Variants in SDK1 observed in about 807,000 individuals in gnomAD.
SDK1 encodes protein sidekick-1.
SDK1 carries 157 observed loss-of-function variants against 245.5 expected under a neutral mutation model. That is an observed-to-expected ratio of 0.64 (90% CI 0.56 to 0.73). SDK1 has a LOEUF of 0.73. Ranked by LOEUF, SDK1 falls within the 30% of genes least tolerant of loss-of-function variation. The pLI is 0.00. For missense variants in SDK1, 3,583 were observed against 3,002.3 expected, an observed-to-expected ratio of 1.19 and a Z score of -4.52; for synonymous variants, 1,647 against 1,278.5, an observed-to-expected ratio of 1.29 and a Z score of -6.15.
At chr7:3,316,925 AT>A in intron 1 of SDK1, among the ~76,000 whole-genome samples, 1 of 152,140 alleles carries the variant, frequency 6.6e-6, no homozygotes, top group East Asian at 1.9e-4. Flanking sequence ...CATGCCTATA[AT>A]TTTGGCATTT....
intron 4 of SDK1, among the ~76,000 whole-genome samples, chr7:3,780,078 G>GA (rs1780685747): frequency 6.6e-6 from 1 of 151,896 alleles, no homozygotes; most frequent in African/African-American, 2.4e-5. Context: ...ATATCTTTTT[G>GA]AAAATGTCAA....
intron 28 of SDK1, among the ~76,000 whole-genome samples, chr7:4,139,822 C>T (rs73048335): frequency 0.028 from 4,306 of 152,082 alleles, 93 homozygotes; most frequent in Admixed American, 0.039. Flanking sequence ...GCTTTAGCAC[C>T]GCATCAGAGG....
intron 19 of SDK1, among the ~76,000 whole-genome samples, chr7:4,056,056 A>T (rs145552167): frequency 2.0e-5 from 3 of 152,198 alleles, no homozygotes; most frequent in African/African-American, 7.2e-5. Flanking sequence ...GATATGGTCA[A>T]TCTTGGTGAA....
chr7:3,380,509 T>C (rs1781459530), intron 1 of SDK1, among the ~76,000 whole-genome samples: 1 of 152,230 alleles, frequency 6.6e-6, no homozygotes, highest in African/African-American at 2.4e-5. Flanking sequence ...GTTTGAGGAA[T>C]TGGCGGTTCA....
chr7:3,818,918 G>C lies in SDK1; in HGVS notation c.714-2532G>C, dbSNP rs567093640. Among the ~76,000 whole-genome samples the C allele has an allele frequency of 3.9e-5, 6 of 152,328 alleles. No homozygotes were observed. The East Asian group carries it at 1.2e-3, about 29-fold the overall frequency. ...GGGGCCAGCTCTCTTGTGTTGCATG[G>C]CTGGATTGCAGGGGGAAGGCATGGT... On this transcript the variant is annotated intron_variant, in intron 4 of 44. Transcript: ENST00000404826.
chr7:3,436,793 GTAGTC>G (rs1780034121), intron 1 of SDK1, among the ~76,000 whole-genome samples: 1 of 152,078 alleles, frequency 6.6e-6, no homozygotes. Context: ...CCTGAAATCT[GTAGTC>G]TAGAGTTGTG....
intron 4 of SDK1, among the ~76,000 whole-genome samples, chr7:3,768,935 G>A (rs949551843): frequency 1.3e-5 from 2 of 152,060 alleles, no homozygotes; most frequent in African/African-American, 4.8e-5. Context: ...ATGAATATTC[G>A]TAAATTTCTG....
At chr7:3,582,514 C>T (rs946696501) in intron 1 of SDK1, among the ~76,000 whole-genome samples, 1 of 151,778 alleles carries the variant, frequency 6.6e-6, no homozygotes, top group Non-Finnish European at 1.5e-5. Flanking sequence ...TCAAGTAGGC[C>T]CCAGTGTCTG....
chr7:4,059,946 C>G (rs182650582), intron 19 of SDK1, among the ~76,000 whole-genome samples: 181 of 149,302 alleles, frequency 1.2e-3, no homozygotes, highest in African/African-American at 4.2e-3. Context: ...GTGGCGCAGT[C>G]TCGGCTCACT....
Position 3,962,715 on chromosome 7 carries a change from G to T in SDK1, c.1293G>T (p.Gln431His). The T allele has an allele frequency of 4.3e-6, 7 of 1,613,848 alleles. No homozygotes were observed. The highest frequency in any genetic ancestry group is 5.9e-6 in the Non-Finnish European group (7 of 1,179,882). The change falls in exon 9 of 45, where the codon CAG (glutamine) becomes CAT (histidine). Residue 431 changes from glutamine (Q) to histidine (H), a missense_variant. Coordinates refer to ENST00000404826, the MANE Select transcript of SDK1 (RefSeq NM_152744.4). ...ATGCCATCTCCATCAGCAGGCTCCA[G>T]AATCCTCGATACAAAGTGCTCGCCA... Reference protein sequence around the residue: ...YKDAISISRLQNPRYKVLASG... With the variant: ...YKDAISISRLHNPRYKVLASG...
chr7:3,958,818 T>A, intron 7 of SDK1, 113 bp from the exon 8 acceptor site: 1 of 827,196 alleles, frequency 1.2e-6, no homozygotes, highest in Admixed American at 2.1e-5. Context: ...TGCTAACTAA[T>A]GATGAAATTT....
chr7:3,434,078 A>G (rs1332367016), intron 1 of SDK1, among the ~76,000 whole-genome samples: 1 of 152,154 alleles, frequency 6.6e-6, no homozygotes, highest in Non-Finnish European at 1.5e-5. Flanking sequence ...TGAAACAGAA[A>G]CAAGGCAAAA....
chr7:3,343,025 T>C (rs538220677), intron 1 of SDK1, among the ~76,000 whole-genome samples: 1 of 125,340 alleles, frequency 8.0e-6, no homozygotes, highest in East Asian at 2.5e-4. Context: ...AAGCACCAAA[T>C]GTTGGTGAAG....
chr7:4,139,691 ATGTGTGTGTGTGTATG>A lies in SDK1; in HGVS notation c.4229-5985_4229-5970del, dbSNP rs1199051674. The stretch of plus-strand genomic sequence containing the variant: ...TGTGTGTGTATATGTGTGTGTGTGT[ATGTGTGTGTGTGTATG>A]TGTGTGTGTGTGTATGTGTGTGTGT... On this transcript the variant is annotated intron_variant, in intron 28 of 44. Coordinates refer to ENST00000404826, the MANE Select transcript of SDK1 (RefSeq NM_152744.4). 7.3e-4 allele frequency among the ~76,000 whole-genome samples: 81 copies of A among 110,518 alleles called. 7 individuals carry two copies. Among genetic ancestry groups the A allele is most frequent in the South Asian group, 6.8e-3 (21 of 3,076 alleles). 72.5% of individuals were successfully genotyped at this position (110,518 alleles called of 152,430 possible).
At chr7:4,011,389 C>A (rs1785950526) in intron 15 of SDK1, among the ~76,000 whole-genome samples, 1 of 152,238 alleles carries the variant, frequency 6.6e-6, no homozygotes, top group Admixed American at 6.5e-5. Context: ...GACAGCACAG[C>A]CCTCTGTGTA....
At chr7:4,058,879 A>G (rs1440282445) in intron 19 of SDK1, among the ~76,000 whole-genome samples, 3 of 152,178 alleles carry the variant, frequency 2.0e-5, no homozygotes, top group Non-Finnish European at 4.4e-5. Flanking sequence ...GTGAAAGAAC[A>G]ATATCTACCA....
intron 1 of SDK1, among the ~76,000 whole-genome samples, chr7:3,593,996 A>C (rs1345978464): frequency 6.6e-6 from 1 of 152,190 alleles, no homozygotes; most frequent in Non-Finnish European, 1.5e-5. Context: ...TAAAGTGTGT[A>C]ATTCATGATT....
intron 1 of SDK1, among the ~76,000 whole-genome samples, chr7:3,440,715 T>A (rs1056898917): frequency 2.6e-5 from 4 of 152,178 alleles, no homozygotes; most frequent in Admixed American, 6.5e-5. Context: ...CTGAGGTTGC[T>A]AAGATTAAGA....
At chr7:3,724,235 G>C (rs896073160) in intron 4 of SDK1, among the ~76,000 whole-genome samples, 13 of 151,950 alleles carry the variant, frequency 8.6e-5, no homozygotes, top group African/African-American at 3.1e-4. Context: ...AAATTGCTGG[G>C]ATTACAGGTA....
Sources: gnomAD v4.1 joint callset for allele counts (sites outside exome capture counted in the v4.1 genomes callset) on GRCh38, gnomAD v4.1.1 for gene constraint, MANE v1.5 for transcripts, NCBI Gene and HGNC (gene_info 2026-07-23, HGNC 2026-07-21) for gene names.